CDH4: variants seen among roughly 807,000 people sequenced by gnomAD.
CDH4 encodes cadherin-4.
A neutral mutation model predicts 86.0 loss-of-function variants in CDH4; 33 were observed. The ratio of observed to expected loss-of-function variants is 0.38; its 90% CI spans 0.29 to 0.51. CDH4 has a LOEUF of 0.51. CDH4 is among the 20% of genes least tolerant of loss of function. The pLI, the probability that CDH4 is intolerant of heterozygous loss-of-function variation, is 0.86. For synonymous variants in CDH4, 555 were observed against 549.4 expected (o/e 1.01, Z -0.14); for missense variants, 1,114 against 1,307.4 (o/e 0.85, Z 2.28).
intron 4 of CDH4, among the ~76,000 whole-genome samples, chr20:61,831,751 T>C (rs1334686904): frequency 6.6e-6 from 1 of 152,242 alleles, no homozygotes; most frequent in African/African-American, 2.4e-5. Context: ...CTCCGCAACA[T>C]ACCACCCCTG....
chr20:61,823,064 G>A (rs1357415245), intron 4 of CDH4, among the ~76,000 whole-genome samples: 2 of 152,196 alleles, frequency 1.3e-5, no homozygotes, highest in Non-Finnish European at 1.5e-5. Context: ...TGCAGCCACA[G>A]TTCCGGTCCC....
chr20:61,315,614 G>A (rs561759679), intron 2 of CDH4, among the ~76,000 whole-genome samples: 12 of 152,346 alleles, frequency 7.9e-5, no homozygotes, highest in African/African-American at 2.6e-4. Flanking sequence ...GGACCTGTTC[G>A]TCATGAGGCT....
chr20:61,843,687 TAAAAAA>T (rs67518472), intron 4 of CDH4, among the ~76,000 whole-genome samples: 4,824 of 140,706 alleles, frequency 0.034, 219 homozygotes, highest in East Asian at 0.12. Flanking sequence ...GACCTGTCTC[TAAAAAA>T]AAAAAAAAAA....
chr20:61,669,285 A>G (rs2087360927), intron 2 of CDH4, among the ~76,000 whole-genome samples: 1 of 152,220 alleles, frequency 6.6e-6, no homozygotes, highest in Non-Finnish European at 1.5e-5. Flanking sequence ...GGCACCCCAC[A>G]CAGCGAGCAC....
chr20:61,402,199 G>T (rs2085053303), intron 2 of CDH4, among the ~76,000 whole-genome samples: 1 of 152,172 alleles, frequency 6.6e-6, no homozygotes, highest in Non-Finnish European at 1.5e-5. Flanking sequence ...AAAATCCAAG[G>T]ATGCTCAAGT....
rs1007810756 is a variant in CDH4, at chr20:61,879,113, C to T, written c.1050+5213C>T. 2.0e-5 allele frequency among the ~76,000 whole-genome samples: 3 copies of T among 152,358 alleles called. No homozygotes were observed. The highest frequency in any genetic ancestry group is 4.4e-5 in the Non-Finnish European group (3 of 68,034). On this transcript the variant is annotated intron_variant, in intron 7 of 15. Transcript: ENST00000614565. This position sits in a 1 kb window ranked among gnomAD's most constrained non-coding sequence, Gnocchi z 4.1. ...CCGTTGCCAGGCATTAGTAAACCCA[C>T]GCAGGCGGCCACTGACAGCAGTGTA... is the stretch of plus-strand genomic sequence containing the variant.
At chr20:61,453,407 G>A (rs1374346490) in intron 2 of CDH4, among the ~76,000 whole-genome samples, 2 of 152,150 alleles carry the variant, frequency 1.3e-5, no homozygotes, top group Non-Finnish European at 2.9e-5. Context: ...AATCCCAGCC[G>A]GCTGTGAGGT....
chr20:61,599,496 A>G (rs1293548635), intron 2 of CDH4, among the ~76,000 whole-genome samples: 1 of 152,092 alleles, frequency 6.6e-6, no homozygotes, highest in African/African-American at 2.4e-5. Flanking sequence ...GACCCCCCTG[A>G]CCCCACTGTG....
At chr20:61,772,336 G>A (rs1238430974) in intron 3 of CDH4, among the ~76,000 whole-genome samples, 1 of 152,182 alleles carries the variant, frequency 6.6e-6, no homozygotes, top group Non-Finnish European at 1.5e-5. Flanking sequence ...CAGTGTTGCA[G>A]ATTTATTTCG....
chr20:61,873,245 T>G (rs1179328108), intron 6 of CDH4, among the ~76,000 whole-genome samples: 2 of 152,236 alleles, frequency 1.3e-5, no homozygotes, highest in Non-Finnish European at 2.9e-5. Context: ...CTGTGTCCTC[T>G]GCAGTGTTTA....
At chr20:61,673,533 A>T (rs565295858) in intron 2 of CDH4, among the ~76,000 whole-genome samples, 2 of 152,322 alleles carry the variant, frequency 1.3e-5, no homozygotes, top group East Asian at 3.9e-4. Flanking sequence ...GTCAGGTCTG[A>T]TATTCCGTGG....
rs1983084857 is a variant in CDH4, at chr20:61,857,761, G to T, written c.877+4863G>T. Among the ~76,000 whole-genome samples the T allele has an allele frequency of 2.0e-5, 3 of 152,276 alleles. No homozygotes were observed. The South Asian group carries it at 6.2e-4, about 31-fold the overall frequency. On this transcript the variant is annotated intron_variant, in intron 6 of 15. Coordinates refer to ENST00000614565, the MANE Select transcript of CDH4 (RefSeq NM_001794.5). Reference sequence around the variant, plus strand: ...ACAGATCCTGTAAGCCCTTCAGCCAGCCTCCCCCAAGGGTGATATCTTGCA... The same window carrying T: ...ACAGATCCTGTAAGCCCTTCAGCCATCCTCCCCCAAGGGTGATATCTTGCA...
At chr20:61,782,564 G>A (rs1025367095) in intron 4 of CDH4, among the ~76,000 whole-genome samples, 2 of 152,134 alleles carry the variant, frequency 1.3e-5, no homozygotes, top group Admixed American at 6.5e-5. Context: ...CAAAAGTACA[G>A]CATTGTATTA....
chr20:61,764,390 G>A (rs1035295420), intron 3 of CDH4, among the ~76,000 whole-genome samples: 1 of 152,158 alleles, frequency 6.6e-6, no homozygotes, highest in African/African-American at 2.4e-5. Context: ...CACAATTTAT[G>A]TATTCTTGAA....
At chr20:61,389,417 A>T (rs553918836) in intron 2 of CDH4, among the ~76,000 whole-genome samples, 1 of 152,374 alleles carries the variant, frequency 6.6e-6, no homozygotes, top group East Asian at 1.9e-4. Flanking sequence ...AAAAGTGAGC[A>T]TGTCTTTCTG....
intron 2 of CDH4, among the ~76,000 whole-genome samples, chr20:61,459,055 C>T (rs573674264): frequency 1.3e-5 from 2 of 151,964 alleles, no homozygotes; most frequent in Admixed American, 6.6e-5. Flanking sequence ...CACACCTCCC[C>T]CTGGCTGTCT....
intron 4 of CDH4, among the ~76,000 whole-genome samples, chr20:61,824,818 T>C (rs1310335575): frequency 1.3e-5 from 2 of 152,224 alleles, no homozygotes; most frequent in African/African-American, 4.8e-5. Context: ...TACCGGGCCA[T>C]GTGCCTTGTA....
At chr20:61,547,705 C>T (rs2086099134) in intron 2 of CDH4, among the ~76,000 whole-genome samples, 1 of 152,196 alleles carries the variant, frequency 6.6e-6, no homozygotes, top group Admixed American at 6.5e-5. Flanking sequence ...CCCCTGCAGA[C>T]AGCGCAGGAG....
chr20:61,765,173 T>C (rs1401108305), intron 3 of CDH4, among the ~76,000 whole-genome samples: 1 of 152,070 alleles, frequency 6.6e-6, no homozygotes, highest in Non-Finnish European at 1.5e-5. Context: ...CCTTGGAAAC[T>C]GGGCCCCTAG....
Sources: allele counts gnomAD v4.1 joint callset (sites outside exome capture counted in the v4.1 genomes callset), GRCh38; gene constraint gnomAD v4.1.1; non-coding constraint Gnocchi (gnomAD v3.1); transcripts MANE v1.5; gene names NCBI Gene and HGNC (gene_info 2026-07-23, HGNC 2026-07-21).